The following NAV2 variants were observed in gnomAD, a reference collection of about 807,000 sequenced individuals.
The protein encoded by NAV2 is helicase, APC down-regulated 1.
A neutral mutation model predicts 223.2 loss-of-function variants in NAV2; 54 were observed. That is an observed-to-expected ratio of 0.24 (90% CI 0.19 to 0.30). The LOEUF is 0.30. Ranked by LOEUF, NAV2 falls within the 10% of genes least tolerant of loss-of-function variation. NAV2 has a pLI of 1.00. For missense variants in NAV2, 2,806 were observed against 3,147.5 expected, an observed-to-expected ratio of 0.89 and a Z score of 2.60; for synonymous variants, 1,279 against 1,239.3, an observed-to-expected ratio of 1.03 and a Z score of -0.67.
intron 1 of NAV2, among the ~76,000 whole-genome samples, chr11:19,414,527 A>ACAGAT (rs1850283117): frequency 6.6e-6 from 1 of 152,180 alleles, no homozygotes; most frequent in Non-Finnish European, 1.5e-5. Context: ...TCAATATTAG[A>ACAGAT]CAGATCAATG....
chr11:19,539,633 A>AT (rs2134513536), intron 1 of NAV2, among the ~76,000 whole-genome samples: 1 of 152,132 alleles, frequency 6.6e-6, no homozygotes, highest in Non-Finnish European at 1.5e-5. Flanking sequence ...TTCTTAGGGG[A>AT]TGGGAGCAAA....
At chr11:19,894,932 G>A (rs1024867235) in intron 6 of NAV2, among the ~76,000 whole-genome samples, 3 of 151,898 alleles carry the variant, frequency 2.0e-5, no homozygotes, top group African/African-American at 7.2e-5. Flanking sequence ...GTTTCACCAT[G>A]TTGGTCAGGC....
intron 1 of NAV2, among the ~76,000 whole-genome samples, chr11:19,656,608 G>T (rs1013937729): frequency 3.9e-5 from 6 of 152,164 alleles, no homozygotes; most frequent in African/African-American, 1.4e-4. Context: ...TTGCTGATGG[G>T]TGAATAAATG....
Position 19,998,317 on chromosome 11 carries a change from T to C in NAV2, c.2768+14070T>C, listed in dbSNP as rs560440313. On this transcript the variant is annotated intron_variant, in intron 11 of 37. Transcript: ENST00000349880. This position sits in a 1 kb window ranked among gnomAD's most constrained non-coding sequence, Gnocchi z 5.0. The stretch of plus-strand genomic sequence containing the variant: ...CCCACCTCCCTCTCCTTCTCTCTCA[T>C]TGGCCATGGTGCAGGGGTCTAGGCT... 6.6e-6 allele frequency among the ~76,000 whole-genome samples: 1 copy of C among 151,904 alleles called. No homozygotes were observed. The highest frequency in any genetic ancestry group is 2.4e-5 in the African/African-American group (1 of 41,364).
chr11:19,463,770 C>T (rs1852247570), intron 1 of NAV2, among the ~76,000 whole-genome samples: 1 of 151,280 alleles, frequency 6.6e-6, no homozygotes, highest in South Asian at 2.1e-4. Flanking sequence ...GTTTTGGAGG[C>T]AAGAGGGAAC....
intron 1 of NAV2, among the ~76,000 whole-genome samples, chr11:19,681,878 G>T (rs2048889274): frequency 6.6e-6 from 1 of 152,176 alleles, no homozygotes; most frequent in Non-Finnish European, 1.5e-5. Flanking sequence ...GCAGCCTCAG[G>T]AGGCTGCGTG....
intron 1 of NAV2, among the ~76,000 whole-genome samples, chr11:19,589,482 A>G (rs1286269519): frequency 1.3e-5 from 2 of 152,162 alleles, no homozygotes; most frequent in African/African-American, 2.4e-5. Flanking sequence ...GGGCCCTGGA[A>G]AAAGGACATT....
At chr11:19,368,081 C>T (rs1230639780) in intron 1 of NAV2, among the ~76,000 whole-genome samples, 3 of 152,232 alleles carry the variant, frequency 2.0e-5, no homozygotes, top group African/African-American at 7.2e-5. Flanking sequence ...GGAGCATCAA[C>T]AAGTACTCTG....
chr11:19,634,150 T>C (rs2047424790), intron 1 of NAV2, among the ~76,000 whole-genome samples: 1 of 152,046 alleles, frequency 6.6e-6, no homozygotes, highest in African/African-American at 2.4e-5. Flanking sequence ...GCTGCATAGG[T>C]TTCCCTGCAC....
At chr11:19,932,257 A>AAAAAAAAAAAG (rs1555153008) in intron 6 of NAV2, among the ~76,000 whole-genome samples, 258 of 99,960 alleles carry the variant, frequency 2.6e-3, no homozygotes, top group East Asian at 6.5e-3. Context: ...AAAAAAAAAA[A>AAAAAAAAAAAG]AAAGAAAGAA....
At chr11:20,106,556 A>G (rs758811519) in intron 35 of NAV2, among the ~76,000 whole-genome samples, 640 of 4,652 alleles carry the variant, frequency 0.14, 6 homozygotes, top group African/African-American at 0.15. Context: ...TGAGACTCCA[A>G]AAAAAAAAAA....
intron 1 of NAV2, among the ~76,000 whole-genome samples, chr11:19,745,599 T>C (rs1221663642): frequency 2.0e-5 from 3 of 152,158 alleles, no homozygotes; most frequent in Non-Finnish European, 4.4e-5. Context: ...CCCCAGCCTT[T>C]CTGGCACCAA....
intron 19 of NAV2, among the ~76,000 whole-genome samples, chr11:20,059,652 G>GGACT (rs1564955621): frequency 6.6e-6 from 1 of 152,060 alleles, no homozygotes; most frequent in Non-Finnish European, 1.5e-5. Flanking sequence ...AGCGATCTCC[G>GGACT]GACTTCTAGT....
chr11:19,638,756 A>T (rs1363200155), intron 1 of NAV2, among the ~76,000 whole-genome samples: 1 of 152,164 alleles, frequency 6.6e-6, no homozygotes, highest in Non-Finnish European at 1.5e-5. Flanking sequence ...ACACTTTGGG[A>T]GCCTGAGGCA....
chr11:19,419,087 C>T (rs1419868836), intron 1 of NAV2, among the ~76,000 whole-genome samples: 1 of 152,048 alleles, frequency 6.6e-6, no homozygotes, highest in Non-Finnish European at 1.5e-5. Context: ...GGAGCTGAGC[C>T]CTGGAGATTC....
chr11:19,900,072 C>T lies in NAV2; in HGVS notation c.931+7478C>T, dbSNP rs190557931. ...TCAGCTGTGATGTTATTATGACCTT[C>T]TAGCTAGTACCCATAGTTGTCAAAG... On this transcript the variant is annotated intron_variant, in intron 6 of 37. Coordinates refer to ENST00000349880, the MANE Select transcript of NAV2 (RefSeq NM_145117.5). Among the ~76,000 whole-genome samples, 26 of 152,246 alleles carry T rather than the reference C, an allele frequency of 1.7e-4. 2 individuals are homozygous for T. In the South Asian group the frequency reaches 3.1e-3, roughly 18 times the overall value.
chr11:19,906,923 GTGA>G (rs2042912050), intron 6 of NAV2, among the ~76,000 whole-genome samples: 1 of 152,196 alleles, frequency 6.6e-6, no homozygotes, highest in South Asian at 2.1e-4. Context: ...AAGTTGTTGT[GTGA>G]TGAAGATGAT....
chr11:19,578,346 G>A, intron 1 of NAV2, among the ~76,000 whole-genome samples: 1 of 152,240 alleles, frequency 6.6e-6, no homozygotes, highest in East Asian at 1.9e-4. Flanking sequence ...GCTAGTAGAA[G>A]GCTCTTGGCC....
chr11:19,574,658 T>C lies in NAV2; in HGVS notation c.75+223631T>C, dbSNP rs111508847. On this transcript the variant is annotated intron_variant, in intron 1 of 37. Transcript: ENST00000360655. ...TTGATCACCTATTAAGTGCCAAACA[T>C]AGTGAATACAGCTGTGAGCAAGACA... Among the ~76,000 whole-genome samples the C allele has an allele frequency of 7.9e-3, 1,204 of 152,280 alleles. 6 individuals carry two copies. Among genetic ancestry groups the C allele is most frequent in the Non-Finnish European group, 0.013 (910 of 68,020 alleles).
Sources: gnomAD v4.1 joint callset for allele counts (sites outside exome capture counted in the v4.1 genomes callset) on GRCh38, gnomAD v4.1.1 for gene constraint, Gnocchi (gnomAD v3.1) non-coding constraint, MANE v1.5 for transcripts, NCBI Gene and HGNC (gene_info 2026-07-23, HGNC 2026-07-21) for gene names.